Variants in CMYA5 observed in about 807,000 individuals in gnomAD.
CMYA5 encodes the protein cardiomyopathy associated 5.
CMYA5 carries 246 observed loss-of-function variants against 318.9 expected under a neutral mutation model. That is an observed-to-expected ratio of 0.77 (90% CI 0.70 to 0.86). The LOEUF is 0.86. CMYA5 is among the 40% of genes least tolerant of loss of function. The probability of loss-of-function intolerance (pLI) is 0.00; values close to 1 mark genes in which losing one functional copy is unlikely to be tolerated. For missense variants in CMYA5, 4,589 were observed against 4,678.2 expected, an observed-to-expected ratio of 0.98 and a Z score of 0.56; for synonymous variants, 1,641 against 1,729.5, an observed-to-expected ratio of 0.95 and a Z score of 1.27.
chr5:79,798,159 T>C (rs988697920), intron 12 of CMYA5, among the ~76,000 whole-genome samples: 1 of 152,014 alleles, frequency 6.6e-6, no homozygotes, highest in Admixed American at 6.6e-5. Context: ...CTTTCTGCAA[T>C]GAAGTTGCCA....
intron 5 of CMYA5, among the ~76,000 whole-genome samples, chr5:79,748,371 C>T (rs1252584059): frequency 1.3e-5 from 2 of 152,172 alleles, no homozygotes; most frequent in African/African-American, 4.8e-5. Flanking sequence ...TGGTCCCACC[C>T]CAGATCCACT....
intron 11 of CMYA5, 29 bp downstream of exon 11, chr5:79,791,098 C>CCATCAGCCCACTTG: frequency 2.6e-6 from 4 of 1,524,834 alleles, no homozygotes; most frequent in Non-Finnish European, 2.7e-6. Context: ...CACAAGTGGG[C>CCATCAGCCCACTTG]TGATGGCCCA....
chr5:79,694,764 G>A (rs562612526), intron 1 of CMYA5, among the ~76,000 whole-genome samples: 54 of 152,278 alleles, frequency 3.5e-4, no homozygotes, highest in South Asian at 3.5e-3. Context: ...TTTATATGGT[G>A]TCTCCCACAG....
At position 79,799,722 on chromosome 5, in the gene CMYA5, G is replaced by A; in HGVS notation, c.*106G>A. The A allele has an allele frequency of 7.1e-7, 1 of 1,412,290 alleles. No individual in the cohort carries two copies. Among genetic ancestry groups the A allele is most frequent in the Non-Finnish European group, 9.4e-7 (1 of 1,060,854 alleles). The allele number at this position is 1,412,290 out of a possible 1,614,324, so 87.5% of individuals were successfully genotyped here. A position where few individuals can be genotyped will look rare whatever the true frequency, so the allele number is the denominator to read the frequency against. On this transcript the variant is annotated 3_prime_UTR_variant, in exon 13 of 13. Coordinates refer to ENST00000446378, the MANE Select transcript of CMYA5 (RefSeq NM_153610.5). ...TATTCAAAAAGTCTCCCGCGCATTT[G>A]CACTAATGATGGCTGCATGCATAGC...
intron 3 of CMYA5, among the ~76,000 whole-genome samples, chr5:79,744,485 G>A (rs959786883): frequency 1.3e-5 from 2 of 152,204 alleles, no homozygotes; most frequent in Admixed American, 6.5e-5. Context: ...GATGGCCCAG[G>A]CACCCTCACC....
At chr5:79,706,516 C>T (rs1827276339) in intron 1 of CMYA5, among the ~76,000 whole-genome samples, 1 of 152,118 alleles carries the variant, frequency 6.6e-6, no homozygotes, top group African/African-American at 2.4e-5. Context: ...ACGCCTTAAC[C>T]CTAAAGAGGC....
At chr5:79,725,669 G>A (rs1034384109) in intron 1 of CMYA5, among the ~76,000 whole-genome samples, 7 of 152,244 alleles carry the variant, frequency 4.6e-5, no homozygotes, top group Non-Finnish European at 8.8e-5. Flanking sequence ...TTGGAAGGCC[G>A]AGGTGGGCAG....
chr5:79,714,311 T>C (rs1243916297), intron 1 of CMYA5, among the ~76,000 whole-genome samples: 1 of 152,150 alleles, frequency 6.6e-6, no homozygotes, highest in Non-Finnish European at 1.5e-5. Flanking sequence ...CAGTCTGTCA[T>C]ACTCTGTGAT....
chr5:79,735,921 C>A lies in CMYA5; in HGVS notation c.7156C>A (p.Gln2386Lys). 1 of 1,608,918 alleles carries A rather than the reference C, an allele frequency of 6.2e-7. No individual in the cohort carries two copies. Among genetic ancestry groups the A allele is most frequent in the Non-Finnish European group, 8.5e-7 (1 of 1,178,494 alleles). Residue 2386 changes from glutamine (Q) to lysine (K), a missense_variant, in exon 2 of 13, where the codon CAA (glutamine) becomes AAA (lysine). Around this residue, in one of 3 missense-constraint regions of CMYA5, gnomAD observed 2,431 missense variants for 2,495.1 expected, o/e 0.97. Transcript: ENST00000446378. ...ATTTGATGTAGTAGATAAGGTGCCA[C>A]AACAGCCAAAATCAGCTTCCTCCAA... ...LSFDVVDKVPQQPKSASSNFA... is the reference protein window; with the variant it reads ...LSFDVVDKVPKQPKSASSNFA...
chr5:79,752,498 G>C (rs1002120307), intron 5 of CMYA5, among the ~76,000 whole-genome samples, 178 bp from the exon 6 acceptor site: 2 of 152,206 alleles, frequency 1.3e-5, no homozygotes, highest in African/African-American at 4.8e-5. Flanking sequence ...CCTAAGAATA[G>C]ATTTTAGACA....
intron 9 of CMYA5, among the ~76,000 whole-genome samples, chr5:79,764,813 A>G (rs1828719320): frequency 6.6e-6 from 1 of 151,782 alleles, no homozygotes; most frequent in Non-Finnish European, 1.5e-5. Context: ...ATCTGTTCAT[A>G]TCCTTTGCCC....
At chr5:79,725,949 T>C (rs1326084922) in intron 1 of CMYA5, among the ~76,000 whole-genome samples, 1 of 152,160 alleles carries the variant, frequency 6.6e-6, no homozygotes, top group East Asian at 1.9e-4. Context: ...TAAAAAAGAA[T>C]GTTTGGTTGT....
chr5:79,712,550 A>C (rs1827416568), intron 1 of CMYA5, among the ~76,000 whole-genome samples: 1 of 152,124 alleles, frequency 6.6e-6, no homozygotes, highest in Non-Finnish European at 1.5e-5. Context: ...GAGAAAAAAA[A>C]AAGTGTTGCC....
At chr5:79,790,949 C>T in intron 10 of CMYA5, 21 bp from the exon 11 acceptor site, 3 of 1,549,406 alleles carry the variant, frequency 1.9e-6, no homozygotes, top group Non-Finnish European at 2.7e-6. Context: ...TGTTTTAATA[C>T]TATTTTCTCA....
chr5:79,799,175 T>C (rs2151102546), intron 12 of CMYA5, among the ~76,000 whole-genome samples, 195 bp from the exon 13 acceptor site: 1 of 152,346 alleles, frequency 6.6e-6, no homozygotes, highest in South Asian at 2.1e-4. Flanking sequence ...TTATTAAACA[T>C]GCTCATCTGT....
intron 9 of CMYA5, among the ~76,000 whole-genome samples, chr5:79,787,415 T>C (rs929479964): frequency 6.6e-6 from 1 of 152,184 alleles, no homozygotes; most frequent in Admixed American, 6.5e-5. Flanking sequence ...AGTCATCAAT[T>C]CCAATAAGAT....
At position 79,730,838 on chromosome 5, in the gene CMYA5, AC is replaced by A. The variant is rs747260459; in HGVS notation, c.2075del (p.Pro692GlnfsTer20). On this transcript the variant is annotated frameshift_variant, in exon 2 of 13. Coordinates refer to ENST00000446378, the MANE Select transcript of CMYA5 (RefSeq NM_153610.5). LOFTEE classifies it high-confidence loss of function. ...DEASESGCYT[P>X]DSTSASEYSV... The stretch of plus-strand genomic sequence containing the variant: ...AGGCCTCAGAAAGTGGGTGTTACAC[AC>A]CAGACTCCACATCTGCTTCTGAATA... 6.2e-7 allele frequency: 1 copy of A among 1,613,950 alleles called. No individual in the cohort carries two copies. Among genetic ancestry groups the A allele is most frequent in the Non-Finnish European group, 8.5e-7 (1 of 1,179,872 alleles).
At chr5:79,707,518 C>G (rs1321432313) in intron 1 of CMYA5, among the ~76,000 whole-genome samples, 1 of 152,086 alleles carries the variant, frequency 6.6e-6, no homozygotes, top group Admixed American at 6.5e-5. Flanking sequence ...AAAGAGGTAC[C>G]TTTTGGCTTA....
intron 6 of CMYA5, among the ~76,000 whole-genome samples, chr5:79,758,096 G>A (rs927071319): frequency 6.6e-6 from 1 of 151,944 alleles, no homozygotes; most frequent in Admixed American, 6.6e-5. Flanking sequence ...CAGGTGTGGT[G>A]GTGCAGGCCT....
Sources: allele counts gnomAD v4.1 joint callset (sites outside exome capture counted in the v4.1 genomes callset), GRCh38; gene constraint gnomAD v4.1.1; regional missense constraint gnomAD v4.1.1; transcripts MANE v1.5; gene names NCBI Gene and HGNC (gene_info 2026-07-23, HGNC 2026-07-21).